Variants in FRMD4A observed in about 807,000 individuals in gnomAD.
FRMD4A encodes the protein FERM domain containing 4A, also known as FERM domain-containing protein 4A.
A neutral mutation model predicts 129.1 loss-of-function variants in FRMD4A; 29 were observed. The ratio of observed to expected loss-of-function variants is 0.22; its 90% CI spans 0.17 to 0.31. The LOEUF is 0.31. FRMD4A is among the 10% of genes least tolerant of loss of function. FRMD4A has a pLI of 1.00. For missense variants in FRMD4A, 1,272 were observed against 1,375.8 expected (o/e 0.92, Z 1.19); for synonymous variants, 634 against 571.6 (o/e 1.11, Z -1.56).
chr10:14,271,587 T>C (rs1435185135), intron 2 of FRMD4A, among the ~76,000 whole-genome samples: 1 of 152,252 alleles, frequency 6.6e-6, no homozygotes, highest in Non-Finnish European at 1.5e-5. Flanking sequence ...TCATCAATGT[T>C]ACAAAGAAAT....
At chr10:13,897,493 GAAGA>G (rs1437947353) in intron 2 of FRMD4A, among the ~76,000 whole-genome samples, 1 of 152,140 alleles carries the variant, frequency 6.6e-6, no homozygotes, top group African/African-American at 2.4e-5. Flanking sequence ...CCAAAAGAAG[GAAGA>G]GAGAACATCT....
At chr10:14,223,156 T>C (rs1843318516) in intron 2 of FRMD4A, among the ~76,000 whole-genome samples, 1 of 152,174 alleles carries the variant, frequency 6.6e-6, no homozygotes, top group Admixed American at 6.5e-5. Context: ...CTAGTGATTC[T>C]CACCTCCCCT....
At chr10:14,191,386 G>A (rs1230294291) in intron 2 of FRMD4A, among the ~76,000 whole-genome samples, 1 of 152,194 alleles carries the variant, frequency 6.6e-6, no homozygotes, top group Non-Finnish European at 1.5e-5. Context: ...TGAACAGCCA[G>A]TAGAAGTGCC....
intron 15 of FRMD4A, among the ~76,000 whole-genome samples, chr10:13,681,440 T>G (rs1326451365): frequency 6.6e-6 from 1 of 151,702 alleles, no homozygotes; most frequent in South Asian, 2.1e-4. Context: ...GGTTATTGAT[T>G]GAGAAAACAG....
intron 2 of FRMD4A, among the ~76,000 whole-genome samples, chr10:14,233,609 T>A (rs1843706086): frequency 6.6e-6 from 1 of 152,180 alleles, no homozygotes; most frequent in African/African-American, 2.4e-5. Flanking sequence ...CTGAGTGCTT[T>A]TGTGGCCCTA....
At chr10:14,037,051 C>T (rs1261631515) in intron 2 of FRMD4A, among the ~76,000 whole-genome samples, 1 of 152,162 alleles carries the variant, frequency 6.6e-6, no homozygotes, top group African/African-American at 2.4e-5. Context: ...CTACAGCCAC[C>T]CAGTTCTCAC....
intron 8 of FRMD4A, among the ~76,000 whole-genome samples, chr10:13,761,309 G>A (rs1485492263): frequency 6.6e-6 from 1 of 152,240 alleles, no homozygotes; most frequent in Non-Finnish European, 1.5e-5. Flanking sequence ...CAGGTTATCT[G>A]CAATCATATT....
intron 2 of FRMD4A, among the ~76,000 whole-genome samples, chr10:13,973,011 T>G (rs1178038480): frequency 6.6e-6 from 1 of 152,262 alleles, no homozygotes; most frequent in African/African-American, 2.4e-5. Context: ...TGGAGTCCTT[T>G]GTAACCTCAG....
chr10:13,917,322 G>A (rs2610818), intron 2 of FRMD4A, among the ~76,000 whole-genome samples: 118,859 of 148,822 alleles, frequency 0.8, 47,601 homozygotes, highest in East Asian at 0.91. Context: ...TCGCTTTGTC[G>A]CCCAGTCTGG....
chr10:14,305,873 C>T (rs932766554), intron 2 of FRMD4A, among the ~76,000 whole-genome samples: 1 of 152,148 alleles, frequency 6.6e-6, no homozygotes, highest in Non-Finnish European at 1.5e-5. Flanking sequence ...AATGGAGGAA[C>T]AGAAAATCAA....
At chr10:14,142,761 G>C (rs1436744976) in intron 2 of FRMD4A, among the ~76,000 whole-genome samples, 1 of 152,148 alleles carries the variant, frequency 6.6e-6, no homozygotes, top group African/African-American at 2.4e-5. Flanking sequence ...ATCTGAACTT[G>C]GATCTTCCCA....
At chr10:14,145,236 T>C (rs970249590) in intron 2 of FRMD4A, among the ~76,000 whole-genome samples, 2 of 152,238 alleles carry the variant, frequency 1.3e-5, no homozygotes, top group African/African-American at 4.8e-5. Context: ...ATTCTATTCC[T>C]AACTCTGCTG....
rs556726099 is a variant in FRMD4A at position 13,836,619 on chromosome 10, C to A, written c.111+22228G>T. On this transcript the variant is annotated intron_variant, in intron 3 of 24. Transcript: ENST00000357447. ...TCCCAGAGTGTTAATTACATCGGGT[C>A]CTTGTTCCTCCACAACTGAAGAAGT... Among the ~76,000 whole-genome samples, 4 of 152,172 alleles carry A rather than the reference C, an allele frequency of 2.6e-5. No individual in the cohort carries two copies. The South Asian group carries it at 8.3e-4, about 32-fold the overall frequency.
intron 2 of FRMD4A, among the ~76,000 whole-genome samples, chr10:14,216,293 C>G (rs1843073807): frequency 6.6e-6 from 1 of 152,178 alleles, no homozygotes. Flanking sequence ...TTTTAGGACT[C>G]CTTGGTTTCT....
intron 2 of FRMD4A, among the ~76,000 whole-genome samples, chr10:13,934,146 G>T (rs370587341): frequency 5.6e-4 from 86 of 152,304 alleles, no homozygotes; most frequent in African/African-American, 2.0e-3. Context: ...CAGCATTAAG[G>T]GTGGTGAGGA....
intron 2 of FRMD4A, among the ~76,000 whole-genome samples, chr10:13,890,296 T>C (rs955144528): frequency 1.3e-5 from 2 of 152,222 alleles, no homozygotes; most frequent in Non-Finnish European, 2.9e-5. Flanking sequence ...TGCTGCACAT[T>C]TGAAGGACGG....
chr10:14,304,228 C>T (rs1846274983), intron 2 of FRMD4A, among the ~76,000 whole-genome samples: 2 of 152,208 alleles, frequency 1.3e-5, no homozygotes, highest in African/African-American at 2.4e-5. Context: ...CAAACAGCAG[C>T]TGCACCATGC....
chr10:13,706,986 G>A (rs2087524253), intron 13 of FRMD4A, 51 bp downstream of exon 13: 4 of 929,884 alleles, frequency 4.3e-6, no homozygotes, highest in Admixed American at 3.4e-5. Flanking sequence ...TCCATAACAC[G>A]CCCGGCCGAG....
chr10:13,833,291 C>T (rs774786432), intron 3 of FRMD4A, among the ~76,000 whole-genome samples: 1 of 152,128 alleles, frequency 6.6e-6, no homozygotes, highest in African/African-American at 2.4e-5. Context: ...TGGTGGCAGG[C>T]AAGAGAGAGC....
Sources: gnomAD v4.1 joint callset for allele counts (sites outside exome capture counted in the v4.1 genomes callset) on GRCh38, gnomAD v4.1.1 for gene constraint, MANE v1.5 for transcripts, NCBI Gene and HGNC (gene_info 2026-07-23, HGNC 2026-07-21) for gene names.